Variants in ABCB11 observed in about 807,000 individuals in gnomAD.
ABCB11 encodes ATP binding cassette subfamily B member 11.
Under a neutral mutation model 148.0 loss-of-function variants are expected in ABCB11, and 95 were observed. That is an observed-to-expected ratio of 0.64 (90% CI 0.54 to 0.76). The LOEUF (loss-of-function observed/expected upper bound fraction) is 0.76. ABCB11 is among the 30% of genes least tolerant of loss of function. The pLI is 0.00. For synonymous variants in ABCB11, 591 were observed against 555.4 expected (o/e 1.06, Z -0.90); for missense variants, 1,523 against 1,617.8 (o/e 0.94, Z 1.01).
In ABCB11 at chr2:168,925,988, GA is replaced by G. The variant is rs34113235; in HGVS notation, c.3618+1167del. ...GCTTATAGATTGGGCTAACAGGTAA[GA>G]ACTGGGCCAAGAGCCTAAAACTTAG... On this transcript the variant is annotated intron_variant, in intron 26 of 27. Coordinates refer to ENST00000650372, the MANE Select transcript of ABCB11 (RefSeq NM_003742.4). Among the ~76,000 whole-genome samples, 828 of 152,310 alleles carry G rather than the reference GA, an allele frequency of 5.4e-3. 10 individuals are homozygous for G. The highest frequency in any genetic ancestry group is 0.019 in the African/African-American group (793 of 41,574).
chr2:168,963,791 T>G (rs982917471), intron 18 of ABCB11, among the ~76,000 whole-genome samples: 1 of 151,810 alleles, frequency 6.6e-6, no homozygotes, highest in African/African-American at 2.4e-5. Context: ...GATCAAGGTA[T>G]TTTTGCCAAA....
At chr2:168,984,141 A>G (rs1694232109) in intron 10 of ABCB11, among the ~76,000 whole-genome samples, 1 of 152,144 alleles carries the variant, frequency 6.6e-6, no homozygotes, top group Non-Finnish European at 1.5e-5. Flanking sequence ...GCCATAAGCT[A>G]AGGAGGAAAG....
chr2:168,943,232 G>A lies in ABCB11; in HGVS notation c.2610+1373C>T, dbSNP rs1203721549. Reference sequence around the variant, plus strand: ...ATTTAGCCTAAATTCAAGAGTAAAGGGAGTAGACTACAGTACTCCAATGAT... The same window carrying A: ...ATTTAGCCTAAATTCAAGAGTAAAGAGAGTAGACTACAGTACTCCAATGAT... On this transcript the variant is annotated intron_variant, in intron 21 of 27. Transcript: ENST00000650372. Among the ~76,000 whole-genome samples the A allele has an allele frequency of 5.3e-5, 8 of 151,834 alleles. No individual in the cohort carries two copies. In the East Asian group the frequency reaches 1.6e-3, roughly 29 times the overall value.
chr2:169,019,895 A>G (rs1695487178), intron 1 of ABCB11, among the ~76,000 whole-genome samples: 1 of 152,236 alleles, frequency 6.6e-6, no homozygotes, highest in South Asian at 2.1e-4. Flanking sequence ...CTTTACAGAC[A>G]TTCAAAGTCA....
intron 18 of ABCB11, among the ~76,000 whole-genome samples, chr2:168,960,010 A>G (rs957676475): frequency 1.7e-4 from 25 of 150,998 alleles, no homozygotes; most frequent in Admixed American, 1.5e-3. Flanking sequence ...TGCCAGCATC[A>G]TGAAATTGTG....
downstream of ABCB11, among the ~76,000 whole-genome samples, chr2:168,918,444 C>T (rs769274682): frequency 3.9e-5 from 6 of 152,152 alleles, no homozygotes; most frequent in Non-Finnish European, 5.9e-5. Flanking sequence ...TATGTACAAG[C>T]ACACACCAAA....
Position 168,979,923 on chromosome 2 carries a change from C to T in ABCB11, c.1140G>A (p.Leu380=), listed in dbSNP as rs1429227691. Residue 380 remains leucine (L), a synonymous_variant, in exon 11 of 28, where the codon TTG becomes TTA. Coordinates refer to ENST00000650372, the MANE Select transcript of ABCB11 (RefSeq NM_003742.4). ...CTGCACGTCCAGTTGCAAAGGCTTC[C>T]AAACAAGGAGAGGCATTGCCAAGAT... ...ALNLGNASPC[L]EAFATGRAAA... 1 of 1,611,222 alleles carries T rather than the reference C, an allele frequency of 6.2e-7. No individual in the cohort carries two copies. The highest frequency in any genetic ancestry group is 1.3e-5 in the African/African-American group (1 of 74,784).
At chr2:169,007,949 C>T (rs190404161) in intron 5 of ABCB11, among the ~76,000 whole-genome samples, 114 of 152,160 alleles carry the variant, frequency 7.5e-4, no homozygotes, top group African/African-American at 2.5e-3. Context: ...AGACATATAT[C>T]CCAGTTTTAA....
At chr2:168,956,130 G>A (rs2105931504) in intron 19 of ABCB11, among the ~76,000 whole-genome samples, 1 of 151,776 alleles carries the variant, frequency 6.6e-6, no homozygotes, top group South Asian at 2.1e-4. Flanking sequence ...TCTTCACATG[G>A]CCAAACCAGG....
intron 18 of ABCB11, among the ~76,000 whole-genome samples, chr2:168,962,279 C>T (rs545537422): frequency 4.0e-5 from 6 of 151,776 alleles, no homozygotes; most frequent in African/African-American, 1.4e-4. Flanking sequence ...CGTATGCTGG[C>T]CTACATATAA....
chr2:169,025,917 G>A (rs1573994092), intron 1 of ABCB11, among the ~76,000 whole-genome samples: 1 of 152,178 alleles, frequency 6.6e-6, no homozygotes, highest in Admixed American at 6.5e-5. Context: ...TACAGAACTC[G>A]GGCTTTAGTC....
chr2:168,969,581 A>G (rs768927302), intron 15 of ABCB11, 30 bp from the exon 16 acceptor site: 2 of 1,581,392 alleles, frequency 1.3e-6, no homozygotes, highest in Non-Finnish European at 1.7e-6. Context: ...ACCATTAAAC[A>G]AAACTGTGAG....
At chr2:168,985,252 T>G (rs115929498) in intron 10 of ABCB11, among the ~76,000 whole-genome samples, 1 of 152,116 alleles carries the variant, frequency 6.6e-6, no homozygotes, top group South Asian at 2.1e-4. Flanking sequence ...ACATAATAGA[T>G]GTTGGCATGG....
intron 23 of ABCB11, among the ~76,000 whole-genome samples, chr2:168,932,766 G>C (rs377213654): frequency 6.6e-6 from 1 of 152,112 alleles, no homozygotes; most frequent in South Asian, 2.1e-4. Flanking sequence ...AGCATGAAGG[G>C]GGGAGAGCTC....
intron 26 of ABCB11, among the ~76,000 whole-genome samples, chr2:168,925,943 G>A (rs779150740): frequency 6.6e-6 from 1 of 152,184 alleles, no homozygotes; most frequent in Non-Finnish European, 1.5e-5. Flanking sequence ...TCTGGATTCA[G>A]CAAATAGTAA....
chr2:168,961,095 T>G (rs1280099747), intron 18 of ABCB11, among the ~76,000 whole-genome samples: 2 of 151,756 alleles, frequency 1.3e-5, no homozygotes, highest in African/African-American at 2.4e-5. Context: ...AATCGATGTT[T>G]ATGGGATAAA....
chr2:168,990,616 G>T (rs77291097), intron 9 of ABCB11, among the ~76,000 whole-genome samples, 185 bp downstream of exon 9: 1 of 152,008 alleles, frequency 6.6e-6, no homozygotes. Context: ...ACTGCTAAAG[G>T]CTTGGGACTT....
intron 8 of ABCB11, among the ~76,000 whole-genome samples, chr2:168,992,965 ATCTAATGTGGCTGC>A (rs1187916151): frequency 1.3e-5 from 2 of 151,930 alleles, no homozygotes; most frequent in Non-Finnish European, 2.9e-5. Flanking sequence ...ATAACGTGCT[ATCTAATGTGGCTGC>A]TCTAATAATA....
chr2:168,986,068 C>T (rs144216640), intron 10 of ABCB11, 42 bp downstream of exon 10: 326 of 1,407,842 alleles, frequency 2.3e-4, no homozygotes, highest in Admixed American at 2.8e-4. Context: ...TTCTGAGATA[C>T]CAGAAGGAAA....
Sources: allele counts gnomAD v4.1 joint callset (sites outside exome capture counted in the v4.1 genomes callset), GRCh38; gene constraint gnomAD v4.1.1; transcripts MANE v1.5; gene names NCBI Gene and HGNC (gene_info 2026-07-23, HGNC 2026-07-21).